The following FAM222B variants were observed in gnomAD, a reference collection of about 807,000 sequenced individuals.
FAM222B encodes the protein family with sequence similarity 222 member B, also known as protein FAM222B.
Under a neutral mutation model 38.0 loss-of-function variants are expected in FAM222B, and 12 were observed. The ratio of observed to expected loss-of-function variants is 0.32; its 90% confidence interval spans 0.20 to 0.51. FAM222B has a LOEUF of 0.51. FAM222B is among the 20% of genes least tolerant of loss of function. The pLI is 0.97. For missense variants in FAM222B, 716 were observed against 754.2 expected, an observed-to-expected ratio of 0.95 and a Z score of 0.59; for synonymous variants, 329 against 317.2, an observed-to-expected ratio of 1.04 and a Z score of -0.40.
intron 1 of FAM222B, among the ~76,000 whole-genome samples, chr17:28,839,523 G>T (rs1046875448): frequency 1.3e-5 from 2 of 152,098 alleles, no homozygotes; most frequent in Non-Finnish European, 2.9e-5. Flanking sequence ...GCATTTATGC[G>T]CTTATTTGAA....
intron 1 of FAM222B, among the ~76,000 whole-genome samples, chr17:28,787,383 G>A (rs1421209248): frequency 1.3e-5 from 2 of 152,152 alleles, no homozygotes; most frequent in Non-Finnish European, 2.9e-5. Context: ...GGACCATGAG[G>A]AATCCTGATA....
upstream of FAM222B, among the ~76,000 whole-genome samples, chr17:28,846,319 A>G (rs1348306310): frequency 1.3e-5 from 2 of 151,548 alleles, no homozygotes; most frequent in African/African-American, 4.9e-5. Flanking sequence ...CAGTGAGCCT[A>G]GACTACACTA....
intron 2 of FAM222B, among the ~76,000 whole-genome samples, chr17:28,763,935 G>GT (rs946499965): frequency 2.0e-5 from 3 of 152,260 alleles, no homozygotes; most frequent in African/African-American, 7.2e-5. Context: ...GTAAAAGAAG[G>GT]TAATTTTGGC....
intron 1 of FAM222B, among the ~76,000 whole-genome samples, chr17:28,815,877 G>A (rs1309683157): frequency 2.6e-5 from 4 of 151,100 alleles, no homozygotes; most frequent in African/African-American, 9.8e-5. Flanking sequence ...TGAGGTAGGA[G>A]AATCGCTTGA....
intron 1 of FAM222B, chr17:28,848,765 A>T (rs1183543321): frequency 6.6e-6 from 1 of 152,094 alleles, no homozygotes; most frequent in African/African-American, 2.4e-5. Flanking sequence ...CAAAGAAAGA[A>T]AAAAAGAAAT....
intron 1 of FAM222B, among the ~76,000 whole-genome samples, chr17:28,786,054 G>A (rs1362178220): frequency 2.6e-5 from 4 of 151,786 alleles, no homozygotes; most frequent in East Asian, 1.9e-4. Flanking sequence ...GGATGGTCTC[G>A]ATCTCCTCAC....
chr17:28,759,154 C>T lies in FAM222B; in HGVS notation c.805G>A (p.Val269Met), dbSNP rs376069619. 19 of 1,612,298 alleles carry T rather than the reference C, an allele frequency of 1.2e-5. No homozygotes were observed. In the Admixed American group the frequency reaches 1.8e-4, roughly 16 times the overall value. The change falls in exon 3 of 3, where the codon GTG becomes ATG. Residue 269 changes from valine (V) to methionine (M), a missense_variant. Transcript: ENST00000581407. This position sits in a 1 kb window ranked among gnomAD's most constrained non-coding sequence, Gnocchi z 4.8. ...HSQPPDLSSI[V>M]HQINQFCQTR... is the part of the protein sequence containing the mutation. ...TGGCAAAACTGGTTGATCTGGTGCA[C>T]GATGCTACTCAGGTCCGGAGGCTGG... is the stretch of plus-strand genomic sequence containing the variant.
chr17:28,775,461 CA>C (rs11329881), intron 1 of FAM222B, among the ~76,000 whole-genome samples: 71,288 of 135,280 alleles, frequency 0.53, 17,445 homozygotes, highest in East Asian at 0.65. Flanking sequence ...TCACTGCCTT[CA>C]AAAAAAAAAA....
chr17:28,806,451 C>T (rs1230517342), intron 1 of FAM222B, among the ~76,000 whole-genome samples: 2 of 152,142 alleles, frequency 1.3e-5, no homozygotes, highest in Non-Finnish European at 2.9e-5. Flanking sequence ...GATCCACCAG[C>T]ACCAAATATA....
Position 28,759,454 on chromosome 17 carries a change from G to A in FAM222B, c.505C>T (p.Pro169Ser), listed in dbSNP as rs764154769. The change falls in exon 3 of 3, where the codon CCC (proline) becomes TCC (serine). Residue 169 changes from proline (P) to serine (S), a missense_variant. Transcript: ENST00000581407. This position sits in a 1 kb window ranked among gnomAD's most constrained non-coding sequence, Gnocchi z 4.8. ...QHAQTLAHAPPQTLQHPQGIP... is the reference protein window; with the variant it reads ...QHAQTLAHAPSQTLQHPQGIP... ...CCCTGAGGGTGCTGCAGCGTCTGGG[G>A]AGGGGCATGGGCCAGGGTCTGTGCA... The A allele has an allele frequency of 4.7e-5, 74 of 1,572,184 alleles. No homozygotes were observed. The highest frequency in any genetic ancestry group is 5.7e-5 in the Non-Finnish European group (66 of 1,160,386).
chr17:28,773,797 CA>C (rs879413377), intron 1 of FAM222B, among the ~76,000 whole-genome samples: 391 of 128,320 alleles, frequency 3.0e-3, no homozygotes, highest in Middle Eastern at 4.3e-3. Flanking sequence ...GCCTCTGTCT[CA>C]AAAAAAAAAA....
chr17:28,809,259 G>A (rs1373909288), intron 1 of FAM222B, among the ~76,000 whole-genome samples: 1 of 151,770 alleles, frequency 6.6e-6, no homozygotes, highest in Non-Finnish European at 1.5e-5. Context: ...GCTGAGGCAG[G>A]AGAACTGCTT....
intron 1 of FAM222B, among the ~76,000 whole-genome samples, chr17:28,784,637 T>C (rs894193049): frequency 2.0e-5 from 3 of 149,090 alleles, no homozygotes; most frequent in Non-Finnish European, 1.5e-5. Context: ...GAGACCATCC[T>C]GGCTAACACA....
intron 1 of FAM222B, among the ~76,000 whole-genome samples, chr17:28,808,590 T>A (rs1321503101): frequency 2.0e-5 from 3 of 152,200 alleles, no homozygotes; most frequent in Non-Finnish European, 4.4e-5. Flanking sequence ...ACAGACTCCA[T>A]CAAGTCCTCT....
At chr17:28,846,564 G>T (rs531180168), upstream of FAM222B, among the ~76,000 whole-genome samples, 1 of 152,110 alleles carries the variant, frequency 6.6e-6, no homozygotes, top group Admixed American at 6.6e-5. Context: ...AGCTACTTGG[G>T]AGGCTGAAGA....
intron 1 of FAM222B, among the ~76,000 whole-genome samples, chr17:28,782,255 G>C (rs575232453): frequency 3.9e-5 from 6 of 152,186 alleles, no homozygotes; most frequent in South Asian, 4.1e-4. Context: ...TCAGGAGCTC[G>C]AGGTTGCAGT....
chr17:28,820,397 C>T (rs957676256), intron 1 of FAM222B, among the ~76,000 whole-genome samples: 16 of 152,182 alleles, frequency 1.1e-4, no homozygotes, highest in African/African-American at 3.6e-4. Flanking sequence ...TGTCACTCTT[C>T]AAAGCCTAAC....
At chr17:28,773,517 A>C (rs2151812023) in intron 1 of FAM222B, among the ~76,000 whole-genome samples, 1 of 146,884 alleles carries the variant, frequency 6.8e-6, no homozygotes, top group African/African-American at 2.5e-5. Flanking sequence ...TCTGGGATCC[A>C]ATCAGGCACA....
At chr17:28,825,655 A>G (rs1328467664) in intron 1 of FAM222B, among the ~76,000 whole-genome samples, 2 of 151,968 alleles carry the variant, frequency 1.3e-5, no homozygotes, top group Non-Finnish European at 2.9e-5. Context: ...ATCTTCATAT[A>G]CTCCTAGATC....
Sources: gnomAD v4.1 joint callset for allele counts (sites outside exome capture counted in the v4.1 genomes callset) on GRCh38, gnomAD v4.1.1 for gene constraint, Gnocchi (gnomAD v3.1) non-coding constraint, MANE v1.5 for transcripts, NCBI Gene and HGNC (gene_info 2026-07-23, HGNC 2026-07-21) for gene names.